Variants in MYO9A observed in about 807,000 individuals in gnomAD.
The protein encoded by MYO9A is myosin IXA.
In MYO9A, 103 loss-of-function variants were observed where a neutral mutation model predicts 293.3. The observed-to-expected ratio is 0.35, with a 90% confidence interval of 0.30 to 0.41. MYO9A has a LOEUF of 0.41. Among genes scored for constraint, MYO9A ranks in the 10% least tolerant of loss-of-function variants. The probability of loss-of-function intolerance (pLI) is 1.00; values close to 1 mark genes in which losing one functional copy is unlikely to be tolerated. For synonymous variants in MYO9A, 1,001 were observed against 1,035.7 expected, an observed-to-expected ratio of 0.97 and a Z score of 0.64; for missense variants, 2,685 against 3,033.0, an observed-to-expected ratio of 0.89 and a Z score of 2.69.
chr15:71,911,335 G>T (rs776095709), intron 19 of MYO9A, among the ~76,000 whole-genome samples: 1 of 151,770 alleles, frequency 6.6e-6, no homozygotes, highest in Non-Finnish European at 1.5e-5. Flanking sequence ...CTTTTCAAAG[G>T]GAATTCATAC....
chr15:71,976,012 T>C (rs2076136250), intron 12 of MYO9A, among the ~76,000 whole-genome samples: 7 of 152,244 alleles, frequency 4.6e-5, no homozygotes, highest in Admixed American at 1.3e-4. Context: ...TGCAAGCTGC[T>C]CGGGCAAATT....
At chr15:72,049,151 T>G (rs1338486153) in intron 1 of MYO9A, among the ~76,000 whole-genome samples, 4 of 152,208 alleles carry the variant, frequency 2.6e-5, no homozygotes, top group African/African-American at 9.6e-5. Flanking sequence ...CTTTTGTTTT[T>G]CATACAAACA....
chr15:71,867,810 A>T (rs1216341905), intron 32 of MYO9A, among the ~76,000 whole-genome samples: 3 of 135,050 alleles, frequency 2.2e-5, no homozygotes, highest in African/African-American at 9.6e-5. Flanking sequence ...ACACACACAC[A>T]CACACACACA....
At chr15:72,106,626 G>A (rs185646561) in intron 1 of MYO9A, among the ~76,000 whole-genome samples, 22 of 150,538 alleles carry the variant, frequency 1.5e-4, no homozygotes, top group Non-Finnish European at 3.0e-4. Flanking sequence ...TTTGAAATAG[G>A]GTTTCACTCT....
Position 71,898,993 on chromosome 15 carries a change from C to G in MYO9A, c.3510G>C (p.Lys1170Asn). ...TAATATTCACCAATCCAACTTCTGGCTTTGTTTCTCTTAGCCTTTGTTCTT... is the reference window on the plus strand; with the variant it reads ...TAATATTCACCAATCCAACTTCTGGGTTTGTTTCTCTTAGCCTTTGTTCTT... Reference protein sequence around the residue: ...ALKEQRLRETKPEVGLVNIKG... With the variant: ...ALKEQRLRETNPEVGLVNIKG... The change falls in exon 25 of 42, where the codon AAG (lysine) becomes AAC (asparagine). Residue 1170 changes from lysine (K) to asparagine (N), a missense_variant. Around this residue, in one of 10 missense-constraint regions of MYO9A, gnomAD observed 1,434 missense variants for 1,497.7 expected, o/e 0.96. Coordinates refer to ENST00000356056, the MANE Select transcript of MYO9A (RefSeq NM_006901.4). 2 of 1,612,516 alleles carry G rather than the reference C, an allele frequency of 1.2e-6. No homozygotes were observed. Among genetic ancestry groups the G allele is most frequent in the Non-Finnish European group, 1.7e-6 (2 of 1,179,072 alleles).
chr15:71,952,236 C>T (rs1253469983), intron 14 of MYO9A, among the ~76,000 whole-genome samples: 1 of 152,086 alleles, frequency 6.6e-6, no homozygotes, highest in African/African-American at 2.4e-5. Flanking sequence ...TTTATCAGGT[C>T]TCAAATATAA....
chr15:71,944,226 T>G (rs2058853318), intron 15 of MYO9A, among the ~76,000 whole-genome samples: 1 of 152,164 alleles, frequency 6.6e-6, no homozygotes. Flanking sequence ...GTTTTTATAT[T>G]TTGTTTTCAA....
intron 23 of MYO9A, among the ~76,000 whole-genome samples, chr15:71,900,568 A>G (rs1362133602): frequency 6.6e-6 from 1 of 152,232 alleles, no homozygotes; most frequent in Admixed American, 6.5e-5. Flanking sequence ...AACCTTGAAG[A>G]AGTTAATTAC....
rs369143313 is a variant in MYO9A, at chr15:72,033,365, G to A, written c.841-777C>T. 9.2e-5 allele frequency among the ~76,000 whole-genome samples: 14 copies of A among 152,098 alleles called. No individual in the cohort carries two copies. The East Asian group carries it at 2.3e-3, about 25-fold the overall frequency. The stretch of plus-strand genomic sequence containing the variant: ...ATGAAATGAAATTCCAGTACATAAT[G>A]TACTATACTTTATTATGCCTATTTA... On this transcript the variant is annotated intron_variant, in intron 2 of 41. Coordinates refer to ENST00000356056, the MANE Select transcript of MYO9A (RefSeq NM_006901.4).
chr15:71,992,758 G>A (rs2148442915), intron 10 of MYO9A, among the ~76,000 whole-genome samples: 1 of 151,742 alleles, frequency 6.6e-6, no homozygotes, highest in East Asian at 1.9e-4. Flanking sequence ...CCTATAATCT[G>A]CCATATTAAA....
At chr15:72,072,662 A>C (rs1373244384) in intron 1 of MYO9A, among the ~76,000 whole-genome samples, 1 of 152,218 alleles carries the variant, frequency 6.6e-6, no homozygotes, top group Admixed American at 6.5e-5. Flanking sequence ...AAACAAAATG[A>C]AATACCAAAT....
chr15:72,023,066 G>A (rs2957369), intron 4 of MYO9A, among the ~76,000 whole-genome samples: 141,128 of 152,208 alleles, frequency 0.93, 65,753 homozygotes, highest in Non-Finnish European at 0.97. Flanking sequence ...CTATGAGAAC[G>A]CTATCTCACC....
chr15:71,881,002 G>A (rs1416442631), intron 28 of MYO9A, among the ~76,000 whole-genome samples: 1 of 152,076 alleles, frequency 6.6e-6, no homozygotes, highest in Non-Finnish European at 1.5e-5. Context: ...CAAACCAGTG[G>A]AGTTTGATAA....
intron 1 of MYO9A, among the ~76,000 whole-genome samples, chr15:72,100,918 T>TG (rs557887276): frequency 0.012 from 1,079 of 87,248 alleles, 35 homozygotes; most frequent in Admixed American, 0.067. Flanking sequence ...GGGAGGGAGG[T>TG]GGGGGGGGTC....
intron 6 of MYO9A, among the ~76,000 whole-genome samples, chr15:72,017,697 A>G (rs2077385381): frequency 1.3e-5 from 2 of 152,230 alleles, no homozygotes; most frequent in South Asian, 2.1e-4. Flanking sequence ...GAAATAAGCT[A>G]GTCATGCAAT....
intron 2 of MYO9A, chr15:72,041,131 C>T: frequency 1.5e-6 from 1 of 663,420 alleles, no homozygotes; most frequent in Non-Finnish European, 2.7e-6. Flanking sequence ...TATAATCCCA[C>T]CTATTTGGGA....
At chr15:72,019,464 T>C (rs1851503335) in intron 5 of MYO9A, among the ~76,000 whole-genome samples, 1 of 152,204 alleles carries the variant, frequency 6.6e-6, no homozygotes, top group African/African-American at 2.4e-5. Flanking sequence ...AGAATATTAC[T>C]TTATAAAAAA....
intron 1 of MYO9A, among the ~76,000 whole-genome samples, chr15:72,072,702 C>T (rs140735908): frequency 1.2e-4 from 19 of 152,056 alleles, no homozygotes; most frequent in Non-Finnish European, 2.5e-4. Flanking sequence ...AGCTAAGTAG[C>T]GGGTATAGAT....
intron 1 of MYO9A, among the ~76,000 whole-genome samples, chr15:72,113,882 G>C (rs950010155): frequency 6.6e-6 from 1 of 152,170 alleles, no homozygotes; most frequent in Non-Finnish European, 1.5e-5. Flanking sequence ...TTAGCAACAG[G>C]AGCTAACCTC....
Sources: gnomAD v4.1 joint callset for allele counts (sites outside exome capture counted in the v4.1 genomes callset) on GRCh38, gnomAD v4.1.1 for gene constraint, gnomAD v4.1.1 regional missense constraint, MANE v1.5 for transcripts, NCBI Gene and HGNC (gene_info 2026-07-23, HGNC 2026-07-21) for gene names.